CTNNA3: variants seen among roughly 807,000 people sequenced by gnomAD.
The protein encoded by CTNNA3 is catenin alpha-3.
In CTNNA3, 76 loss-of-function variants were observed where a neutral mutation model predicts 95.7. The observed-to-expected ratio is 0.79, with a 90% CI of 0.66 to 0.96. The LOEUF (loss-of-function observed/expected upper bound fraction) is 0.96, where lower values mean the gene tolerates loss of function less well. CTNNA3 is among the 40% of genes least tolerant of loss of function. The pLI, the probability that CTNNA3 is intolerant of heterozygous loss-of-function variation, is 0.00. For synonymous variants in CTNNA3, 431 were observed against 374.4 expected, an observed-to-expected ratio of 1.15 and a Z score of -1.74; for missense variants, 1,191 against 1,089.8, an observed-to-expected ratio of 1.09 and a Z score of -1.31.
At chr10:66,487,976 A>G (rs1231577191) in intron 11 of CTNNA3, among the ~76,000 whole-genome samples, 1 of 152,168 alleles carries the variant, frequency 6.6e-6, no homozygotes, top group Non-Finnish European at 1.5e-5. Context: ...CAACAGAAGT[A>G]TTTGTGTATA....
intron 17 of CTNNA3, among the ~76,000 whole-genome samples, chr10:65,926,617 C>T (rs2077172745): frequency 2.6e-5 from 4 of 151,980 alleles, no homozygotes; most frequent in Admixed American, 6.6e-5. Flanking sequence ...GCTGGGATTA[C>T]AGGCATGTGC....
chr10:67,539,048 G>C (rs946668435), intron 4 of CTNNA3, among the ~76,000 whole-genome samples: 3 of 152,078 alleles, frequency 2.0e-5, no homozygotes, highest in African/African-American at 7.2e-5. Flanking sequence ...CAGACTACCT[G>C]TAAACATGCA....
At chr10:67,506,068 C>G (rs536314518) in intron 5 of CTNNA3, among the ~76,000 whole-genome samples, 2 of 152,270 alleles carry the variant, frequency 1.3e-5, no homozygotes, top group South Asian at 4.1e-4. Flanking sequence ...ATGCAACTGT[C>G]AGTTGACCAC....
chr10:66,560,287 C>G (rs1842513191), intron 10 of CTNNA3, among the ~76,000 whole-genome samples: 1 of 149,674 alleles, frequency 6.7e-6, no homozygotes, highest in Non-Finnish European at 1.5e-5. Flanking sequence ...AATTTTATAA[C>G]TTTTTGAGTC....
intron 9 of CTNNA3, among the ~76,000 whole-genome samples, chr10:66,646,743 T>C (rs930483779): frequency 5.3e-5 from 8 of 152,074 alleles, no homozygotes; most frequent in Non-Finnish European, 2.9e-5. Context: ...ACATACAGCA[T>C]CCTTGGCAAG....
At position 66,536,270 on chromosome 10, in the gene CTNNA3, T is replaced by C. The variant is rs532947537; in HGVS notation, c.1375-15497A>G. ...GTCAAGGTGGGCAGATCACCTCAGG[T>C]CAAGAGTTCGAGACCAGCCTGGCCA... On this transcript the variant is annotated intron_variant, in intron 10 of 17. Coordinates refer to ENST00000433211, the MANE Select transcript of CTNNA3 (RefSeq NM_013266.4). Among the ~76,000 whole-genome samples, 8 of 151,634 alleles carry C rather than the reference T, an allele frequency of 5.3e-5. No individual in the cohort carries two copies. In the South Asian group the frequency reaches 1.7e-3, roughly 32 times the overall value.
chr10:66,484,102 A>AAAATAAAC (rs931517139), intron 11 of CTNNA3, among the ~76,000 whole-genome samples: 2 of 152,058 alleles, frequency 1.3e-5, no homozygotes, highest in Non-Finnish European at 2.9e-5. Context: ...TAAGCAAAAT[A>AAAATAAAC]AAATAAACAA....
chr10:67,304,489 A>C, intron 5 of CTNNA3, among the ~76,000 whole-genome samples: 1 of 152,216 alleles, frequency 6.6e-6, no homozygotes, highest in South Asian at 2.1e-4. Context: ...GTAAGACTGA[A>C]ATAAATATTA....
At chr10:65,922,124 C>T (rs770551350) in intron 17 of CTNNA3, among the ~76,000 whole-genome samples, 119 of 152,218 alleles carry the variant, frequency 7.8e-4, no homozygotes, top group Admixed American at 1.8e-3. Context: ...TTCTACCTTG[C>T]GTTTTTTCTC....
intron 5 of CTNNA3, among the ~76,000 whole-genome samples, chr10:67,497,465 G>C (rs1839063565): frequency 6.6e-6 from 1 of 152,140 alleles, no homozygotes; most frequent in Admixed American, 6.5e-5. Context: ...GGATTGCTGG[G>C]TCCAATGGTA....
At chr10:67,689,270 T>C (rs998923890) in intron 1 of CTNNA3, among the ~76,000 whole-genome samples, 2 of 152,130 alleles carry the variant, frequency 1.3e-5, no homozygotes, top group African/African-American at 4.8e-5. Context: ...CCCCATATCC[T>C]AGCTTCAGGA....
chr10:66,687,353 C>T (rs993238883), intron 9 of CTNNA3, among the ~76,000 whole-genome samples: 1 of 152,032 alleles, frequency 6.6e-6, no homozygotes, highest in Non-Finnish European at 1.5e-5. Flanking sequence ...CTTCTTGATG[C>T]CTCCCATTTC....
Position 66,621,734 on chromosome 10 carries a change from A to G in CTNNA3, c.1332T>C (p.Ile444=). The G allele has an allele frequency of 1.2e-6, 2 of 1,612,352 alleles. No homozygotes were observed. The highest frequency in any genetic ancestry group is 1.7e-6 in the Non-Finnish European group (2 of 1,179,218). The part of the protein sequence containing the change: ...SMSTNEDGIK[I]VKIAANHLET... ...CCAAATGATTGGCTGCAATTTTGAC[A>G]ATTTTAATTCCATCTTCATTTGTTG... The change falls in exon 10 of 18, where the codon ATT becomes ATC. Residue 444 remains isoleucine, a synonymous_variant. Coordinates refer to ENST00000433211, the MANE Select transcript of CTNNA3 (RefSeq NM_013266.4).
chr10:66,099,777 C>G (rs1417712878), intron 14 of CTNNA3, among the ~76,000 whole-genome samples: 3 of 152,152 alleles, frequency 2.0e-5, no homozygotes, highest in African/African-American at 7.2e-5. Flanking sequence ...TCCTCTTTCT[C>G]ATTCCATTAA....
At chr10:67,311,956 CACAA>C (rs890449297) in intron 5 of CTNNA3, among the ~76,000 whole-genome samples, 38 of 151,998 alleles carry the variant, frequency 2.5e-4, no homozygotes, top group African/African-American at 7.5e-4. Flanking sequence ...CACACACACA[CACAA>C]ACACACACAC....
intron 7 of CTNNA3, among the ~76,000 whole-genome samples, chr10:66,823,691 T>A (rs930210741): frequency 6.6e-6 from 1 of 152,222 alleles, no homozygotes; most frequent in African/African-American, 2.4e-5. Flanking sequence ...TTGAGTGAGT[T>A]TTGTGCTAGA....
chr10:67,720,192 T>C lies in CTNNA3; in HGVS notation c.-2+43242A>G, dbSNP rs1841171967. Among the ~76,000 whole-genome samples the C allele has an allele frequency of 2.8e-5, 4 of 140,390 alleles. 1 individual carries two copies. In the South Asian group the frequency reaches 9.7e-4, roughly 34 times the overall value. 92.1% of individuals were successfully genotyped at this position (140,390 alleles called of 152,430 possible). A position where few individuals can be genotyped will look rare whatever the true frequency, so the allele number is the denominator to read the frequency against. ...TGGTAAATATTCCTCCATCCCTTTA[T>C]TTTGAGCCTATGTGTGTCTTTGCAC... On this transcript the variant is annotated intron_variant, in intron 1 of 17. Transcript: ENST00000684154.
chr10:67,718,202 A>C (rs537151408), intron 1 of CTNNA3, among the ~76,000 whole-genome samples: 25 of 152,356 alleles, frequency 1.6e-4, no homozygotes, highest in African/African-American at 5.5e-4. Context: ...TTATCAGCTT[A>C]AGGAGATTTG....
intron 7 of CTNNA3, among the ~76,000 whole-genome samples, chr10:67,066,569 C>T (rs1196956238): frequency 1.3e-5 from 2 of 150,792 alleles, no homozygotes; most frequent in Non-Finnish European, 2.9e-5. Context: ...ACACACCAAC[C>T]ATTACAGAAG....
Sources: gnomAD v4.1 joint callset for allele counts (sites outside exome capture counted in the v4.1 genomes callset) on GRCh38, gnomAD v4.1.1 for gene constraint, MANE v1.5 for transcripts, NCBI Gene and HGNC (gene_info 2026-07-23, HGNC 2026-07-21) for gene names.